The following PRKG1 variants were observed in gnomAD, a reference collection of about 807,000 sequenced individuals.
PRKG1 encodes cGMP-dependent protein kinase 1.
Under a neutral mutation model 88.1 loss-of-function variants are expected in PRKG1, and 35 were observed. That is an observed-to-expected ratio of 0.40 (90% CI 0.30 to 0.53). The LOEUF (loss-of-function observed/expected upper bound fraction) is 0.53, where lower values mean the gene tolerates loss of function less well. Ranked by LOEUF, PRKG1 falls within the 20% of genes least tolerant of loss-of-function variation. PRKG1 has a pLI of 0.59. For synonymous variants in PRKG1, 303 were observed against 292.5 expected (o/e 1.04, Z -0.37); for missense variants, 540 against 839.8 (o/e 0.64, Z 4.41).
intron 1 of PRKG1, among the ~76,000 whole-genome samples, chr10:51,102,826 A>T (rs1448835485): frequency 6.6e-6 from 1 of 152,170 alleles, no homozygotes; most frequent in African/African-American, 2.4e-5. Context: ...ATAATGTAAA[A>T]GAGAAACACA....
chr10:51,695,330 T>A (rs548283823), intron 3 of PRKG1, among the ~76,000 whole-genome samples: 2 of 152,342 alleles, frequency 1.3e-5, no homozygotes, highest in South Asian at 4.1e-4. Flanking sequence ...TCAAACTATA[T>A]AGATAATGGC....
chr10:51,298,417 T>A (rs749663391), intron 2 of PRKG1, among the ~76,000 whole-genome samples: 11 of 152,328 alleles, frequency 7.2e-5, no homozygotes, highest in Middle Eastern at 3.4e-3. Context: ...ATGAACCTGG[T>A]GGGAGTTGTT....
At chr10:52,158,021 T>C (rs1838172505) in intron 8 of PRKG1, among the ~76,000 whole-genome samples, 2 of 151,742 alleles carry the variant, frequency 1.3e-5, no homozygotes, top group South Asian at 4.1e-4. Flanking sequence ...AATATGTGCA[T>C]GCATAAAGGT....
chr10:51,751,226 CTGTT>C (rs558191113), intron 3 of PRKG1, among the ~76,000 whole-genome samples: 146 of 152,168 alleles, frequency 9.6e-4, no homozygotes, highest in African/African-American at 2.1e-3. Context: ...TTCAACCGAA[CTGTT>C]TGTTTGTTTG....
intron 5 of PRKG1, among the ~76,000 whole-genome samples, chr10:52,050,048 A>T (rs1348519408): frequency 7.0e-6 from 1 of 143,594 alleles, no homozygotes; most frequent in African/African-American, 2.5e-5. Context: ...TGAGAGAGAG[A>T]GAGTGTGTTC....
intron 3 of PRKG1, among the ~76,000 whole-genome samples, chr10:51,627,650 G>A (rs1231691616): frequency 6.6e-6 from 1 of 152,128 alleles, no homozygotes; most frequent in East Asian, 1.9e-4. Flanking sequence ...CACCATTAGT[G>A]GTTGATAGGT....
chr10:51,724,889 T>TG (rs1361389771), intron 3 of PRKG1, among the ~76,000 whole-genome samples: 3 of 150,728 alleles, frequency 2.0e-5, no homozygotes, highest in African/African-American at 7.3e-5. Flanking sequence ...TTTTTTTTTT[T>TG]TGTAAAAATA....
chr10:51,464,839 C>T (rs1051954487), intron 2 of PRKG1, among the ~76,000 whole-genome samples: 1 of 145,726 alleles, frequency 6.9e-6, no homozygotes, highest in Non-Finnish European at 1.5e-5. Flanking sequence ...TGCAGTGAGC[C>T]GAGATCCCGC....
chr10:51,288,501 C>G (rs1840500170), intron 2 of PRKG1, among the ~76,000 whole-genome samples: 2 of 152,086 alleles, frequency 1.3e-5, no homozygotes, highest in Non-Finnish European at 2.9e-5. Flanking sequence ...GGGACTGAGT[C>G]TTTGGTAGCT....
chr10:51,711,652 A>G (rs1841754439), intron 3 of PRKG1, among the ~76,000 whole-genome samples: 1 of 152,162 alleles, frequency 6.6e-6, no homozygotes, highest in African/African-American at 2.4e-5. Flanking sequence ...TTTATCTCAA[A>G]GCTGTAGCAT....
chr10:52,179,874 A>G (rs1306897732), intron 9 of PRKG1, among the ~76,000 whole-genome samples: 1 of 152,100 alleles, frequency 6.6e-6, no homozygotes, highest in African/African-American at 2.4e-5. Flanking sequence ...TTTTTAGTAG[A>G]GATGGGTTTT....
chr10:51,004,511 G>A (rs1411722423), intron 1 of PRKG1, among the ~76,000 whole-genome samples: 1 of 151,932 alleles, frequency 6.6e-6, no homozygotes, highest in African/African-American at 2.4e-5. Flanking sequence ...AAAACTGTGG[G>A]CTGGCAGCAT....
At position 51,455,595 on chromosome 10, in the gene PRKG1, G is replaced by A. The variant is rs567356329; in HGVS notation, c.479-12128G>A. ...CTAAATCATCTCCCTCAAGTTCAAA[G>A]TTCCACAAACCTCTAGGACAGGGGC... On this transcript the variant is annotated intron_variant, in intron 2 of 17. Transcript: ENST00000373980. 1.1e-3 allele frequency among the ~76,000 whole-genome samples: 164 copies of A among 152,268 alleles called. 1 individual carries two copies. Among genetic ancestry groups the A allele is most frequent in the African/African-American group, 3.4e-3 (140 of 41,562 alleles).
chr10:51,423,486 T>G (rs1838479106), intron 2 of PRKG1, among the ~76,000 whole-genome samples: 1 of 152,188 alleles, frequency 6.6e-6, no homozygotes, highest in African/African-American at 2.4e-5. Context: ...TCTGATGATT[T>G]TTTTTCTCCA....
At chr10:51,679,816 G>A (rs1231514412) in intron 3 of PRKG1, among the ~76,000 whole-genome samples, 1 of 144,672 alleles carries the variant, frequency 6.9e-6, no homozygotes, top group South Asian at 2.2e-4. Context: ...CTGATGCGCT[G>A]CACCCACTAA....
In PRKG1 at chr10:52,072,448, T is replaced by G. The variant is rs116028224; in HGVS notation, c.935+9817T>G. Among the ~76,000 whole-genome samples the G allele has an allele frequency of 4.9e-3, 753 of 152,226 alleles. 4 individuals are homozygous for G. The highest frequency in any genetic ancestry group is 0.017 in the African/African-American group (718 of 41,542). Reference sequence around the variant, plus strand: ...GAGGAGATTAAAATAATTGATGTACTAGGTGCTATAGGAAAAGCACAGAGT... The same window carrying G: ...GAGGAGATTAAAATAATTGATGTACGAGGTGCTATAGGAAAAGCACAGAGT... On this transcript the variant is annotated intron_variant, in intron 7 of 17. Coordinates refer to ENST00000373980, the MANE Select transcript of PRKG1 (RefSeq NM_006258.4).
chr10:51,742,096 T>C (rs1173991727), intron 3 of PRKG1, among the ~76,000 whole-genome samples: 2 of 152,194 alleles, frequency 1.3e-5, no homozygotes, highest in Non-Finnish European at 2.9e-5. Context: ...CTGTCTTCCT[T>C]AGGGAAGAGA....
intron 2 of PRKG1, among the ~76,000 whole-genome samples, chr10:51,227,339 A>C (rs1374381124): frequency 6.6e-6 from 1 of 152,132 alleles, no homozygotes; most frequent in Admixed American, 6.6e-5. Flanking sequence ...TTTCTTCCCT[A>C]GGTGAAGGAC....
intron 3 of PRKG1, among the ~76,000 whole-genome samples, chr10:51,612,948 C>G (rs1289914304): frequency 6.6e-6 from 1 of 151,920 alleles, no homozygotes; most frequent in Non-Finnish European, 1.5e-5. Context: ...TTGAGCCATC[C>G]TTGCGTACCT....
Sources: gnomAD v4.1 joint callset for allele counts (sites outside exome capture counted in the v4.1 genomes callset) on GRCh38, gnomAD v4.1.1 for gene constraint, MANE v1.5 for transcripts, NCBI Gene and HGNC (gene_info 2026-07-23, HGNC 2026-07-21) for gene names.